Variants in ZBTB33 observed in about 807,000 individuals in gnomAD.
ZBTB33 encodes zinc finger and BTB domain containing 33, also known as transcriptional regulator Kaiso.
Under a neutral mutation model 25.9 loss-of-function variants are expected in ZBTB33, and 11 were observed. That is an observed-to-expected ratio of 0.42 (90% CI 0.27 to 0.70). The LOEUF is 0.70. Among genes scored for constraint, ZBTB33 ranks in the 30% least tolerant of loss-of-function variants. The pLI is 0.23. For synonymous variants in ZBTB33, 157 were observed against 184.8 expected, an observed-to-expected ratio of 0.85 and a Z score of 1.22; for missense variants, 343 against 501.1, an observed-to-expected ratio of 0.68 and a Z score of 3.01.
At position 120,255,297 on chromosome X, in the gene ZBTB33, G is replaced by C. The variant is rs1194422478; in HGVS notation, c.1882G>C (p.Gly628Arg). ...TGACACTGGAAAAGAACCTCCAGTA[G>C]GGACCACTACATCTACTCAGAACAA... ...KVDTGKEPPVGTTTSTQNKPM... is the reference protein window; with the variant it reads ...KVDTGKEPPVRTTTSTQNKPM... The change falls in exon 3 of 3, where the codon GGG becomes CGG. Residue 628 changes from glycine to arginine, a missense_variant. Gly to Arg is a moderately radical substitution (Grantham distance 125). Around this residue, in one of 2 missense-constraint regions of ZBTB33, gnomAD observed 304 missense variants for 410.0 expected, o/e 0.74. Transcript: ENST00000557385. 8.3e-7 allele frequency: 1 copy of C among 1,209,857 alleles called. No homozygotes were observed. Among genetic ancestry groups the C allele is most frequent in the African/African-American group, 1.7e-5 (1 of 57,191 alleles).
At position 120,255,691 on chromosome X, in the gene ZBTB33, G is replaced by A. The variant is rs2057633805; in HGVS notation, c.*257G>A. The A allele has an allele frequency of 6.6e-6, 2 of 304,941 alleles. No individual in the cohort carries two copies. Among genetic ancestry groups the A allele is most frequent in the Non-Finnish European group, 1.2e-5 (2 of 170,044 alleles). The allele number at this position is 304,941 out of a possible 1,213,427, so 25.1% of individuals were successfully genotyped here. A position where few individuals can be genotyped will look rare whatever the true frequency, so the allele number is the denominator to read the frequency against. ...TAAAAGAGGCAAAAATTAAAAGCTT[G>A]GAGAGATAGTTTCCTGAATAGAATT... On this transcript the variant is annotated 3_prime_UTR_variant, in exon 3 of 3. Coordinates refer to ENST00000557385, the MANE Select transcript of ZBTB33 (RefSeq NM_001184742.2).
Position 120,253,582 on chromosome X carries a change from A to C in ZBTB33, c.167A>C (p.Tyr56Ser). 1 of 1,212,033 alleles carries C rather than the reference A, an allele frequency of 8.3e-7. No individual in the cohort carries two copies. The highest frequency in any genetic ancestry group is 1.1e-6 in the Non-Finnish European group (1 of 895,582). Residue 56 changes from tyrosine (Y) to serine (S), a missense_variant, in exon 3 of 3, where the codon TAC becomes TCC. Physicochemically the swap from Tyr to Ser is moderately radical, Grantham distance 144. This residue lies in a region of ZBTB33 where 39 missense variants were observed against 91.1 expected (regional missense o/e 0.43). Coordinates refer to ENST00000557385, the MANE Select transcript of ZBTB33 (RefSeq NM_001184742.2). Reference protein sequence around the residue: ...HKNILSASSTYFHQLFSVAGQ... With the variant: ...HKNILSASSTSFHQLFSVAGQ... The stretch of plus-strand genomic sequence containing the variant: ...AATATTCTTTCAGCTTCTAGTACCT[A>C]CTTCCATCAGCTCTTCTCTGTTGCT...
rs781968682 is a variant in ZBTB33 at position 120,257,529 on chromosome X, G to A, written c.*2095G>A. ...GAAAACTATCCATTCTGAATAATAG[G>A]TATGTAATTATTTGCTGCTGCTGCT... On this transcript the variant is annotated 3_prime_UTR_variant, in exon 3 of 3. Coordinates refer to ENST00000557385, the MANE Select transcript of ZBTB33 (RefSeq NM_001184742.2). The A allele has an allele frequency of 8.1e-6, 1 of 123,009 alleles. No homozygotes were observed. The highest frequency in any genetic ancestry group is 1.9e-5 in the Non-Finnish European group (1 of 53,074). The allele number at this position is 123,009 out of a possible 1,213,427, so 10.1% of individuals were successfully genotyped here. A position where few individuals can be genotyped will look rare whatever the true frequency, so the allele number is the denominator to read the frequency against.
rs782342300 is a variant in ZBTB33 at position 120,253,196 on chromosome X, A to G, written c.-2-218A>G. Among the ~76,000 whole-genome samples, 27 of 112,113 alleles carry G rather than the reference A, an allele frequency of 2.4e-4. No homozygotes were observed. The South Asian group carries it at 0.01, about 42-fold the overall frequency. On this transcript the variant is annotated intron_variant, in intron 2 of 2. Coordinates refer to ENST00000557385, the MANE Select transcript of ZBTB33 (RefSeq NM_001184742.2). ...GATTACTGTTCAAATCTCTGTAACA[A>G]TGTAAAACTTGCTCAACTCAGGAGC...
chrX:120,254,166 A>G lies in ZBTB33; in HGVS notation c.751A>G (p.Thr251Ala). The change falls in exon 3 of 3, where the codon ACT becomes GCT. Residue 251 changes from threonine (T) to alanine (A), a missense_variant. By Grantham distance (58) the Thr-to-Ala change is moderately conservative (BLOSUM62 0). Transcript: ENST00000557385. The part of the protein sequence containing the change: ...TNITPTQKLP[T>A]PVNQATLSQT... ...TATCACACCTACTCAGAAACTTCCT[A>G]CTCCTGTGAATCAGGCAACTTTGAG... is the stretch of plus-strand genomic sequence containing the variant. The G allele has an allele frequency of 8.3e-7, 1 of 1,211,018 alleles. No homozygotes were observed. The highest frequency in any genetic ancestry group is 1.7e-5 in the African/African-American group (1 of 57,526).
In ZBTB33 at chrX:120,253,491, C is replaced by T. The variant is rs868975654; in HGVS notation, c.76C>T (p.Arg26Cys). The change falls in exon 3 of 3, where the codon CGT becomes TGT. Residue 26 changes from arginine (R) to cysteine (C), a missense_variant. Physicochemically the swap from Arg to Cys is radical, Grantham distance 180 (BLOSUM62 -3). Around this residue, in one of 2 missense-constraint regions of ZBTB33, gnomAD observed 39 missense variants for 91.1 expected, o/e 0.43. Coordinates refer to ENST00000557385, the MANE Select transcript of ZBTB33 (RefSeq NM_001184742.2). ...GSLLNSLNEQ[R>C]GHGLFCDVTV... ...TCTGCTGAACTCCTTGAATGAGCAA[C>T]GTGGCCATGGACTCTTCTGTGATGT... 1 of 1,211,805 alleles carries T rather than the reference C, an allele frequency of 8.3e-7. No homozygotes were observed. Among genetic ancestry groups the T allele is most frequent in the African/African-American group, 1.7e-5 (1 of 57,772 alleles).
Position 120,255,746 on chromosome X carries a change from A to C in ZBTB33, c.*312A>C. 4.3e-6 allele frequency: 1 copy of C among 230,758 alleles called. No homozygotes were observed. Among genetic ancestry groups the C allele is most frequent in the Non-Finnish European group, 8.2e-6 (1 of 122,501 alleles). 19.0% of individuals were successfully genotyped at this position (230,758 alleles called of 1,213,427 possible). On this transcript the variant is annotated 3_prime_UTR_variant, in exon 3 of 3. Transcript: ENST00000557385. Reference sequence around the variant, plus strand: ...GCAGTCTGAATGTTCTTTGAAAATAACTGGAGTTATTAGCATACCCTAGTA... The same window carrying C: ...GCAGTCTGAATGTTCTTTGAAAATACCTGGAGTTATTAGCATACCCTAGTA...
In ZBTB33 at chrX:120,254,935, C is replaced by G. The variant is rs1556015111; in HGVS notation, c.1520C>G (p.Thr507Arg). 1 of 1,212,071 alleles carries G rather than the reference C, an allele frequency of 8.3e-7. No individual in the cohort carries two copies. Among genetic ancestry groups the G allele is most frequent in the African/African-American group, 1.7e-5 (1 of 57,889 alleles). Residue 507 changes from threonine (T) to arginine (R), a missense_variant, in exon 3 of 3, where the codon ACA becomes AGA. Thr to Arg is a moderately conservative substitution (Grantham distance 71). Transcript: ENST00000557385. ...TGCAAAAGGTCATATGTCTGTCTGA[C>G]AAGCTTGCGGAGACATTTTAACATT... ...IVCKRSYVCL[T>R]SLRRHFNIHS...
At chrX:120,251,816 A>G (rs1283869295) in intron 1 of ZBTB33, among the ~76,000 whole-genome samples, 1 of 111,633 alleles carries the variant, frequency 9.0e-6, no homozygotes, top group Non-Finnish European at 1.9e-5. Context: ...GAGGAGGGGG[A>G]CACATAAACG....
In ZBTB33 at chrX:120,255,304, C is replaced by T; in HGVS notation, c.1889C>T (p.Thr630Ile). The T allele has an allele frequency of 1.7e-6, 2 of 1,211,689 alleles. No homozygotes were observed. Among genetic ancestry groups the T allele is most frequent in the South Asian group, 1.8e-5 (1 of 57,004 alleles). ...GGAAAAGAACCTCCAGTAGGGACCA[C>T]TACATCTACTCAGAACAAGCCAATG... ...DTGKEPPVGTTTSTQNKPMTW... is the reference protein window; with the variant it reads ...DTGKEPPVGTITSTQNKPMTW... The change falls in exon 3 of 3, where the codon ACT becomes ATT. Residue 630 changes from threonine (T) to isoleucine (I), a missense_variant. Coordinates refer to ENST00000557385, the MANE Select transcript of ZBTB33 (RefSeq NM_001184742.2).
rs77815464 is a variant in ZBTB33, at chrX:120,253,978, C to A, written c.563C>A (p.Ser188Tyr). Reference sequence around the variant, plus strand: ...ATGAAAAAGATCATTGTTACCGATTCTGATGATGATGATGATGATGTCATT... The same window carrying A: ...ATGAAAAAGATCATTGTTACCGATTATGATGATGATGATGATGATGTCATT... ...YEMKKIIVTD[S>Y]DDDDDDVIFC... The change falls in exon 3 of 3, where the codon TCT becomes TAT. Residue 188 changes from serine (S) to tyrosine (Y), a missense_variant. Coordinates refer to ENST00000557385, the MANE Select transcript of ZBTB33 (RefSeq NM_001184742.2). 8.5e-7 allele frequency: 1 copy of A among 1,176,117 alleles called. No homozygotes were observed. The highest frequency in any genetic ancestry group is 1.2e-6 in the Non-Finnish European group (1 of 868,573).
rs2057633282 is a variant in ZBTB33 at position 120,255,640 on chromosome X, T to C, written c.*206T>C. The C allele has an allele frequency of 2.9e-5, 11 of 385,095 alleles. No individual in the cohort carries two copies. In the South Asian group the frequency reaches 6.9e-4, roughly 24 times the overall value. The allele number at this position is 385,095 out of a possible 1,213,427, so 31.7% of individuals were successfully genotyped here. The stretch of plus-strand genomic sequence containing the variant: ...GTGAGACCCCCTCCCCAAGTATCTG[T>C]TTATATAGTTAGTTTTCAGCTCATT... On this transcript the variant is annotated 3_prime_UTR_variant, in exon 3 of 3. Transcript: ENST00000557385.
In ZBTB33 at chrX:120,254,652, C is replaced by G; in HGVS notation, c.1237C>G (p.Gln413Glu). 4 of 1,211,713 alleles carry G rather than the reference C, an allele frequency of 3.3e-6. No individual in the cohort carries two copies. The highest frequency in any genetic ancestry group is 4.5e-6 in the Non-Finnish European group (4 of 895,480). ...GVGSKHLMEG[Q>E]KIITLDTATE... is the part of the protein sequence containing the mutation. The stretch of plus-strand genomic sequence containing the variant: ...AGGATCAAAACATCTAATGGAGGGT[C>G]AGAAGATCATTACTTTAGATACAGC... The change falls in exon 3 of 3, where the codon CAG (glutamine) becomes GAG (glutamate). Residue 413 changes from glutamine (Q) to glutamate (E), a missense_variant. Physicochemically the swap from Gln to Glu is conservative, Grantham distance 29 (BLOSUM62 2). Transcript: ENST00000557385.
chrX:120,253,561 TTC>T lies in ZBTB33; in HGVS notation c.148_149del (p.Leu50PhefsTer4). ...CGAAAATTCCGGGCTCACAAGAATA[TTC>T]TTTCAGCTTCTAGTACCTACTTCCA... On this transcript the variant is annotated frameshift_variant, in exon 3 of 3. Transcript: ENST00000557385. LOFTEE classifies it high-confidence loss of function. 1 of 1,212,135 alleles carries T rather than the reference TTC, an allele frequency of 8.2e-7. No homozygotes were observed. Among genetic ancestry groups the T allele is most frequent in the Non-Finnish European group, 1.1e-6 (1 of 895,648 alleles).
In ZBTB33 at chrX:120,254,812, C is replaced by T. The variant is rs782029088; in HGVS notation, c.1397C>T (p.Thr466Met). Reference protein sequence around the residue: ...EARLENEIPKTSGSEMANKRM... With the variant: ...EARLENEIPKMSGSEMANKRM... The stretch of plus-strand genomic sequence containing the variant: ...AGACTTGAGAATGAAATACCAAAAA[C>T]GTCTGGCAGCGAGATGGCAAACAAA... The change falls in exon 3 of 3, where the codon ACG (threonine) becomes ATG (methionine). Residue 466 changes from threonine to methionine, a missense_variant. This residue lies in a region of ZBTB33 where 304 missense variants were observed against 410.0 expected (regional missense o/e 0.74). Coordinates refer to ENST00000557385, the MANE Select transcript of ZBTB33 (RefSeq NM_001184742.2). 5.8e-6 allele frequency: 7 copies of T among 1,210,127 alleles called. No homozygotes were observed. The East Asian group carries it at 1.2e-4, about 20-fold the overall frequency.
In ZBTB33 at chrX:120,254,741, T is replaced by A; in HGVS notation, c.1326T>A (p.Tyr442Ter). The A allele has an allele frequency of 8.3e-7, 1 of 1,211,449 alleles. No homozygotes were observed. The highest frequency in any genetic ancestry group is 1.1e-6 in the Non-Finnish European group (1 of 895,308). The change falls in exon 3 of 3, where the codon TAT becomes TAA. Residue 442 changes from tyrosine (Y) to a stop codon, truncating the protein, a stop_gained. Transcript: ENST00000557385. LOFTEE classifies it high-confidence loss of function. ...KVYANIGEDT[Y>*]DIVIPVKDDP... is the part of the protein sequence containing the mutation. ...ATGCAAATATCGGTGAAGATACTTA[T>A]GATATAGTGATCCCTGTCAAAGATG...
Position 120,257,052 on chromosome X carries a change from G to GT in ZBTB33, c.*1619dup. The GT allele has an allele frequency of 8.2e-6, 1 of 122,456 alleles. No homozygotes were observed. Among genetic ancestry groups the GT allele is most frequent in the East Asian group, 2.8e-4 (1 of 3,580 alleles). 10.1% of individuals were successfully genotyped at this position (122,456 alleles called of 1,213,427 possible). ...GTGTTTCTTAAGTTGGTAGCTGAGG[G>GT]TATCAGGCATCAGTTCATGCAATAA... On this transcript the variant is annotated 3_prime_UTR_variant, in exon 3 of 3. Transcript: ENST00000557385.
chrX:120,255,337 A>C lies in ZBTB33; in HGVS notation c.1922A>C (p.Glu641Ala). 4 of 1,211,468 alleles carry C rather than the reference A, an allele frequency of 3.3e-6. No homozygotes were observed. Among genetic ancestry groups the C allele is most frequent in the Non-Finnish European group, 4.5e-6 (4 of 895,142 alleles). The change falls in exon 3 of 3, where the codon GAA becomes GCA. Residue 641 changes from glutamate to alanine, a missense_variant. Transcript: ENST00000557385. ...ACTCAGAACAAGCCAATGACCTGGG[A>C]AGATATTTTTATTCAGCAGGAAAAT... ...TSTQNKPMTW[E>A]DIFIQQENDS...
rs781975565 is a variant in ZBTB33, at chrX:120,256,246, C to T, written c.*812C>T. ...TAGTAGAGAATGGAATGAAGATTTCCTTTTGGCTTCTTAAGGTTAAAAATA... is the reference window on the plus strand; with the variant it reads ...TAGTAGAGAATGGAATGAAGATTTCTTTTTGGCTTCTTAAGGTTAAAAATA... On this transcript the variant is annotated 3_prime_UTR_variant, in exon 3 of 3. Transcript: ENST00000557385. 1 of 122,930 alleles carries T rather than the reference C, an allele frequency of 8.1e-6. No homozygotes were observed. Among genetic ancestry groups the T allele is most frequent in the East Asian group, 2.8e-4 (1 of 3,580 alleles). 10.1% of individuals were successfully genotyped at this position (122,930 alleles called of 1,213,427 possible). A position where few individuals can be genotyped will look rare whatever the true frequency, so the allele number is the denominator to read the frequency against.
Sources: gnomAD v4.1 joint callset for allele counts (sites outside exome capture counted in the v4.1 genomes callset) on GRCh38, gnomAD v4.1.1 for gene constraint, gnomAD v4.1.1 regional missense constraint, MANE v1.5 for transcripts, NCBI Gene and HGNC (gene_info 2026-07-23, HGNC 2026-07-21) for gene names.